The following EPSTI1 variants were observed in gnomAD, a reference collection of about 807,000 sequenced individuals.
EPSTI1 encodes epithelial-stromal interaction protein 1.
EPSTI1 carries 66 observed loss-of-function variants against 49.9 expected under a neutral mutation model. That is an observed-to-expected ratio of 1.32 (90% confidence interval 1.08 to 1.62). The LOEUF (loss-of-function observed/expected upper bound fraction) is 1.62, where lower values mean the gene tolerates loss of function less well. Ranked by LOEUF, EPSTI1 falls within the 40% of genes most tolerant of loss-of-function variation. EPSTI1 has a pLI of 0.00. For synonymous variants in EPSTI1, 137 were observed against 130.7 expected (o/e 1.05, Z -0.33); for missense variants, 394 against 365.5 (o/e 1.08, Z -0.64).
chr13:42,921,049 C>T (rs758581662), intron 7 of EPSTI1, among the ~76,000 whole-genome samples: 7 of 151,636 alleles, frequency 4.6e-5, no homozygotes, highest in Admixed American at 1.3e-4. Flanking sequence ...AAGATAAATC[C>T]GGGAGGTCTA....
chr13:42,893,384 G>A (rs577824027), intron 10 of EPSTI1, among the ~76,000 whole-genome samples: 287 of 152,328 alleles, frequency 1.9e-3, no homozygotes, highest in African/African-American at 6.6e-3. Flanking sequence ...GCAGATGTCT[G>A]GAGGTCAACA....
intron 1 of EPSTI1, 37 bp from the exon 2 acceptor site, chr13:42,970,707 A>T (rs2039746524): frequency 6.5e-7 from 1 of 1,537,392 alleles, no homozygotes; most frequent in Non-Finnish European, 8.9e-7. Flanking sequence ...TATTACCATG[A>T]GAAACTACCA....
chr13:42,987,234 A>G (rs1457891441), intron 1 of EPSTI1, among the ~76,000 whole-genome samples: 1 of 152,028 alleles, frequency 6.6e-6, no homozygotes, highest in Non-Finnish European at 1.5e-5. Flanking sequence ...TGTGGGACTG[A>G]GCCCTTAATT....
At chr13:42,908,933 A>T (rs2037581893) in intron 8 of EPSTI1, among the ~76,000 whole-genome samples, 1 of 151,328 alleles carries the variant, frequency 6.6e-6, no homozygotes, top group Non-Finnish European at 1.5e-5. Context: ...AAATACAAAA[A>T]AAAAAAAAAA....
rs185644010 is a variant in EPSTI1 at position 42,939,388 on chromosome 13, G to A, written c.564-12959C>T. On this transcript the variant is annotated intron_variant, in intron 6 of 10. Transcript: ENST00000313624. ...CTATCTTGGTTTTCAACATGCCTCC[G>A]CACAGAGCTTAGTCATTTTTAGCTT... 6.6e-5 allele frequency among the ~76,000 whole-genome samples: 10 copies of A among 152,122 alleles called. No homozygotes were observed. The East Asian group carries it at 1.4e-3, about 21-fold the overall frequency.
chr13:42,888,467 G>A lies in EPSTI1; in HGVS notation c.*27C>T, dbSNP rs774562854. On this transcript the variant is annotated 3_prime_UTR_variant, in exon 11 of 11. Coordinates refer to ENST00000313624, the MANE Select transcript of EPSTI1 (RefSeq NM_033255.5). ...ATGAGGCTTTTCGAGGTCAGTTGAT[G>A]AAGGCCAGATAGGAGTCAATATTTT... 22 of 1,613,926 alleles carry A rather than the reference G, an allele frequency of 1.4e-5. No homozygotes were observed. The Admixed American group carries it at 3.7e-4, about 27-fold the overall frequency.
chr13:42,899,311 C>G (rs1227784280), intron 9 of EPSTI1, among the ~76,000 whole-genome samples: 1 of 152,076 alleles, frequency 6.6e-6, no homozygotes, highest in African/African-American at 2.4e-5. Context: ...CCATCTTACC[C>G]AACAATATAG....
chr13:42,948,412 A>C (rs949210289), intron 6 of EPSTI1, among the ~76,000 whole-genome samples: 1 of 144,538 alleles, frequency 6.9e-6, no homozygotes, highest in African/African-American at 2.5e-5. Context: ...CAGGAACTCC[A>C]GAGTGGCTTG....
intron 1 of EPSTI1, among the ~76,000 whole-genome samples, chr13:42,974,780 T>C (rs981218936): frequency 1.1e-4 from 17 of 152,236 alleles, no homozygotes; most frequent in African/African-American, 4.1e-4. Flanking sequence ...AAATGTTATG[T>C]TGAAGTTATC....
intron 1 of EPSTI1, among the ~76,000 whole-genome samples, chr13:42,979,624 C>A (rs1594759799): frequency 6.6e-6 from 1 of 150,976 alleles, no homozygotes; most frequent in Non-Finnish European, 1.5e-5. Flanking sequence ...AAATTTTAAG[C>A]CTAACAAGCA....
chr13:42,970,768 T>C (rs532231802), intron 1 of EPSTI1, 98 bp from the exon 2 acceptor site: 232 of 863,370 alleles, frequency 2.7e-4, no homozygotes, highest in Non-Finnish European at 3.9e-4. Flanking sequence ...GTATTTATGA[T>C]CATTACCATC....
intron 8 of EPSTI1, among the ~76,000 whole-genome samples, chr13:42,910,376 C>T (rs867842062): frequency 3.6e-4 from 55 of 150,982 alleles, no homozygotes; most frequent in African/African-American, 1.3e-3. Flanking sequence ...ATTTGCATGC[C>T]TCAGCCTCCC....
intron 5 of EPSTI1, 119 bp downstream of exon 5, chr13:42,963,136 A>C (rs1481333225): frequency 2.5e-6 from 2 of 791,170 alleles, no homozygotes; most frequent in East Asian, 2.7e-5. Context: ...AGAGTGGGGA[A>C]TAGAAAGAGA....
chr13:42,949,591 CAAA>C (rs199737689), intron 6 of EPSTI1, among the ~76,000 whole-genome samples: 9 of 80,192 alleles, frequency 1.1e-4, no homozygotes, highest in Non-Finnish European at 1.2e-4. Flanking sequence ...GACTCCATGT[CAAA>C]AAAAAAAAAA....
chr13:42,898,211 C>A (rs2037252065), intron 9 of EPSTI1, among the ~76,000 whole-genome samples: 1 of 152,216 alleles, frequency 6.6e-6, no homozygotes, highest in Non-Finnish European at 1.5e-5. Flanking sequence ...AACTTTTAAA[C>A]TGTAGAAAGC....
chr13:42,899,340 G>A (rs1341539106), intron 9 of EPSTI1, among the ~76,000 whole-genome samples: 3 of 152,122 alleles, frequency 2.0e-5, no homozygotes, highest in African/African-American at 7.2e-5. Flanking sequence ...ACATATCAGA[G>A]TTTTGATATT....
intron 6 of EPSTI1, among the ~76,000 whole-genome samples, chr13:42,930,630 T>C (rs192458519): frequency 6.6e-6 from 1 of 152,246 alleles, no homozygotes; most frequent in East Asian, 1.9e-4. Flanking sequence ...TTTACAGAAT[T>C]CTTTCCCTTC....
At chr13:42,926,237 C>T in intron 7 of EPSTI1, 99 bp downstream of exon 7, 1 of 770,658 alleles carries the variant, frequency 1.3e-6, no homozygotes, top group African/African-American at 1.7e-5. Context: ...TTAGTTCCAG[C>T]ATTCTATGAT....
At chr13:42,935,256 A>G (rs2038519854) in intron 6 of EPSTI1, among the ~76,000 whole-genome samples, 2 of 152,286 alleles carry the variant, frequency 1.3e-5, no homozygotes, top group South Asian at 4.1e-4. Context: ...CTTTCTAACC[A>G]TCAGCTCCCA....
Sources: allele counts gnomAD v4.1 joint callset (sites outside exome capture counted in the v4.1 genomes callset), GRCh38; gene constraint gnomAD v4.1.1; transcripts MANE v1.5; gene names NCBI Gene and HGNC (gene_info 2026-07-23, HGNC 2026-07-21).